The following RREB1 variants were observed in gnomAD, a reference collection of about 807,000 sequenced individuals.
RREB1 encodes ras responsive element binding protein 1.
Under a neutral mutation model 117.8 loss-of-function variants are expected in RREB1, and 27 were observed. The observed-to-expected ratio is 0.23, with a 90% CI of 0.17 to 0.32. The LOEUF (loss-of-function observed/expected upper bound fraction) is 0.32. Among genes scored for constraint, RREB1 ranks in the 10% least tolerant of loss-of-function variants. RREB1 has a pLI of 1.00. For synonymous variants in RREB1, 1,298 were observed against 1,026.7 expected (o/e 1.26, Z -5.05); for missense variants, 2,577 against 2,378.2 (o/e 1.08, Z -1.74).
At chr6:7,150,401 G>C (rs534192046) in intron 1 of RREB1, among the ~76,000 whole-genome samples, 1 of 152,274 alleles carries the variant, frequency 6.6e-6, no homozygotes, top group Admixed American at 6.5e-5. Flanking sequence ...GATTCAGATA[G>C]GGTTTTTGTG....
At chr6:7,186,568 G>C (rs34695416) in intron 4 of RREB1, among the ~76,000 whole-genome samples, 1 of 152,162 alleles carries the variant, frequency 6.6e-6, no homozygotes. Flanking sequence ...ACAGGAACCC[G>C]TGGTCTTAGG....
intron 11 of RREB1, among the ~76,000 whole-genome samples, chr6:7,245,308 T>C (rs1242270829): frequency 1.3e-5 from 2 of 152,042 alleles, no homozygotes; most frequent in East Asian, 1.9e-4. Flanking sequence ...GGCAGGAGAA[T>C]TGCTTGAACC....
intron 8 of RREB1, among the ~76,000 whole-genome samples, chr6:7,225,977 ATTTAATAATT>A (rs931485037): frequency 2.6e-5 from 4 of 152,210 alleles, no homozygotes; most frequent in African/African-American, 9.7e-5. Flanking sequence ...AGATTGGAAA[ATTTAATAATT>A]TTTATCCCTA....
intron 5 of RREB1, among the ~76,000 whole-genome samples, chr6:7,188,445 G>T (rs1765219692): frequency 6.6e-6 from 1 of 152,040 alleles, no homozygotes; most frequent in Non-Finnish European, 1.5e-5. Context: ...TAGAGACGGG[G>T]TTTCAGCACG....
intron 4 of RREB1, among the ~76,000 whole-genome samples, chr6:7,185,897 G>T (rs1009789054): frequency 6.6e-6 from 1 of 152,140 alleles, no homozygotes; most frequent in Non-Finnish European, 1.5e-5. Flanking sequence ...CTCTGACTTG[G>T]GGCAGGTTAC....
intron 8 of RREB1, chr6:7,218,095 A>G (rs1228373677): frequency 6.6e-6 from 1 of 152,274 alleles, no homozygotes; most frequent in East Asian, 1.9e-4. Flanking sequence ...AGAACAACAC[A>G]TCACTTTCTT....
At chr6:7,154,223 A>C (rs1164389073) in intron 1 of RREB1, among the ~76,000 whole-genome samples, 1 of 152,230 alleles carries the variant, frequency 6.6e-6, no homozygotes, top group East Asian at 1.9e-4. Flanking sequence ...TGGTTCTCAA[A>C]GTGTGGTCCC....
chr6:7,230,442 C>A lies in RREB1; in HGVS notation c.2343C>A (p.Gly781=). 4.4e-6 allele frequency: 7 copies of A among 1,591,606 alleles called. No homozygotes were observed. The highest frequency in any genetic ancestry group is 2.7e-5 in the African/African-American group (2 of 74,820). ...HMRTHCGRGL[G]GGHKGRKPFE... ...GCACGCACTGCGGCCGCGGCCTGGGCGGGGGCCACAAGGGCCGCAAGCCCT... is the reference window on the plus strand; with the variant it reads ...GCACGCACTGCGGCCGCGGCCTGGGAGGGGGCCACAAGGGCCGCAAGCCCT... Residue 781 remains glycine, a synonymous_variant, in exon 10 of 13, where the codon GGC becomes GGA. Coordinates refer to ENST00000379938, the MANE Select transcript of RREB1 (RefSeq NM_001003699.4).
rs116711073 is a variant in RREB1, at chr6:7,209,007, A to G, written c.426-1797A>G. ...CTGCACCTCAGCTGCCACATCTGCA[A>G]AATGGAAATAATGATCTGTCTAAGG... On this transcript the variant is annotated intron_variant, in intron 6 of 12. Transcript: ENST00000379938. Among the ~76,000 whole-genome samples, 615 of 152,294 alleles carry G rather than the reference A, an allele frequency of 4.0e-3. 4 individuals carry two copies. The highest frequency in any genetic ancestry group is 0.014 in the African/African-American group (578 of 41,556).
chr6:7,230,622 G>A lies in RREB1; in HGVS notation c.2523G>A (p.Ala841=), dbSNP rs542718915. Reference sequence around the variant, plus strand: ...CCGCAGAGGCGCCGGCCGCTGAGGCGTCGGGGCGCGGGGAGGACAGTGGCT... The same window carrying A: ...CCGCAGAGGCGCCGGCCGCTGAGGCATCGGGGCGCGGGGAGGACAGTGGCT... The part of the protein sequence containing the change: ...LGPAEAPAAE[A]SGRGEDSGCA... The change falls in exon 10 of 13, where the codon GCG becomes GCA. Residue 841 remains alanine (A), a synonymous_variant. Transcript: ENST00000379938. 9 of 1,604,482 alleles carry A rather than the reference G, an allele frequency of 5.6e-6. No homozygotes were observed. The highest frequency in any genetic ancestry group is 2.7e-5 in the African/African-American group (2 of 74,634).
Position 7,229,344 on chromosome 6 carries a change from C to T in RREB1, c.1245C>T (p.Phe415=), listed in dbSNP as rs1434465889. ...CCAACCTGCTGAGCCTGTCACCTTT[C>T]GAAGCTGCTTCCCTAGGCGGTTCTC... The part of the protein sequence containing the change: ...GCTNLLSLSP[F]EAASLGGSLT... Residue 415 remains phenylalanine (F), a synonymous_variant, in exon 10 of 13, where the codon TTC becomes TTT. Transcript: ENST00000379938. This position sits in a 1 kb window ranked among gnomAD's most constrained non-coding sequence, Gnocchi z 4.5. The T allele has an allele frequency of 1.9e-6, 3 of 1,614,076 alleles. No individual in the cohort carries two copies. The highest frequency in any genetic ancestry group is 1.7e-5 in the Admixed American group (1 of 60,010).
intron 1 of RREB1, among the ~76,000 whole-genome samples, chr6:7,112,843 C>T (rs1453112741): frequency 6.6e-6 from 1 of 152,220 alleles, no homozygotes; most frequent in East Asian, 1.9e-4. Flanking sequence ...GTCACGTTCT[C>T]TGGTGTTCAG....
rs778997499 is a variant in RREB1, at chr6:7,189,222, G to A, written c.325G>A (p.Ala109Thr). The change falls in exon 6 of 13, where the codon GCC becomes ACC. Residue 109 changes from alanine (A) to threonine (T), a missense_variant. Ala to Thr is a moderately conservative substitution (Grantham distance 58). Coordinates refer to ENST00000379938, the MANE Select transcript of RREB1 (RefSeq NM_001003699.4). ...CATCTGCGGAAAGTCACTGAGCTCG[G>A]CCAGCTCCCTCGATCGCCACATGCT... ...CSICGKSLSSASSLDRHMLVH... is the reference protein window; with the variant it reads ...CSICGKSLSSTSSLDRHMLVH... 1.9e-6 allele frequency: 3 copies of A among 1,613,462 alleles called. No individual in the cohort carries two copies. In the Admixed American group the frequency reaches 5.0e-5, roughly 27 times the overall value.
intron 1 of RREB1, among the ~76,000 whole-genome samples, chr6:7,160,536 G>T (rs1341416375): frequency 1.3e-5 from 2 of 151,910 alleles, no homozygotes; most frequent in African/African-American, 4.8e-5. Flanking sequence ...TTGAGACAGG[G>T]TCTCAGTTTG....
At chr6:7,152,323 T>TA (rs1763162868) in intron 1 of RREB1, among the ~76,000 whole-genome samples, 1 of 152,224 alleles carries the variant, frequency 6.6e-6, no homozygotes, top group Non-Finnish European at 1.5e-5. Context: ...AGTGGTGTAT[T>TA]ACATGATTTT....
At chr6:7,112,607 G>T (rs1761199325) in intron 1 of RREB1, among the ~76,000 whole-genome samples, 1 of 152,032 alleles carries the variant, frequency 6.6e-6, no homozygotes, top group African/African-American at 2.4e-5. Flanking sequence ...AAGGTAAAAG[G>T]TACACCGTAT....
chr6:7,164,374 C>G (rs756480155), intron 1 of RREB1, among the ~76,000 whole-genome samples: 52 of 151,234 alleles, frequency 3.4e-4, no homozygotes, highest in Non-Finnish European at 6.2e-4. Context: ...GGAAATTTCT[C>G]CTTTCCTTAA....
intron 1 of RREB1, among the ~76,000 whole-genome samples, chr6:7,146,393 C>A (rs1379135499): frequency 1.3e-5 from 2 of 151,590 alleles, no homozygotes; most frequent in Non-Finnish European, 2.9e-5. Flanking sequence ...GGGGAGGAGG[C>A]GAGGTGGGGA....
At chr6:7,221,545 T>C (rs1767260336) in intron 8 of RREB1, among the ~76,000 whole-genome samples, 1 of 152,252 alleles carries the variant, frequency 6.6e-6, no homozygotes, top group African/African-American at 2.4e-5. Flanking sequence ...AAGCAGAAAT[T>C]TCTTCTCTGC....
Sources: gnomAD v4.1 joint callset for allele counts (sites outside exome capture counted in the v4.1 genomes callset) on GRCh38, gnomAD v4.1.1 for gene constraint, Gnocchi (gnomAD v3.1) non-coding constraint, MANE v1.5 for transcripts, NCBI Gene and HGNC (gene_info 2026-07-23, HGNC 2026-07-21) for gene names.